TNRC6C: variants seen among roughly 807,000 people sequenced by gnomAD.
TNRC6C encodes the protein trinucleotide repeat-containing gene 6C protein.
A neutral mutation model predicts 153.7 loss-of-function variants in TNRC6C; 20 were observed. That is an observed-to-expected ratio of 0.13 (90% confidence interval 0.09 to 0.19). TNRC6C has a LOEUF of 0.19. Ranked by LOEUF, TNRC6C falls within the 10% of genes least tolerant of loss-of-function variation. The probability of loss-of-function intolerance (pLI) is 1.00; values close to 1 mark genes in which losing one functional copy is unlikely to be tolerated. For synonymous variants in TNRC6C, 811 were observed against 841.4 expected (o/e 0.96, Z 0.63); for missense variants, 1,987 against 2,172.0 (o/e 0.91, Z 1.69).
At chr17:77,979,608 T>C (rs879068705) in intron 1 of TNRC6C, among the ~76,000 whole-genome samples, 1 of 152,010 alleles carries the variant, frequency 6.6e-6, no homozygotes, top group African/African-American at 2.4e-5. Context: ...GTTAAAAGTC[T>C]AAAATACTTA....
exon 2 of TNRC6C, chr17:78,031,634 G>A: frequency 1.6e-6 from 2 of 1,232,406 alleles, no homozygotes; most frequent in Non-Finnish European, 2.0e-6. Flanking sequence ...CCAGTGGCCA[G>A]CAGCCAGCTG....
intron 1 of TNRC6C, among the ~76,000 whole-genome samples, chr17:78,025,970 TC>T (rs1251447954): frequency 6.6e-6 from 1 of 152,180 alleles, no homozygotes; most frequent in Non-Finnish European, 1.5e-5. Flanking sequence ...TGTCAGCTAG[TC>T]TAAACCTTTC....
At position 78,104,905 on chromosome 17, in the gene TNRC6C, G is replaced by A. The variant is rs1217673381; in HGVS notation, c.*60G>A. 11 of 1,373,294 alleles carry A rather than the reference G, an allele frequency of 8.0e-6. No individual in the cohort carries two copies. Among genetic ancestry groups the A allele is most frequent in the East Asian group, 2.9e-5 (1 of 33,966 alleles). The allele number at this position is 1,373,294 out of a possible 1,614,324, so 85.1% of individuals were successfully genotyped here. ...CTCCCGGGACCCCTCCCGGCTGGGC[G>A]GCCCCACAGACCCGCTGGAACCCAG... On this transcript the variant is annotated 3_prime_UTR_variant, in exon 20 of 20. Transcript: ENST00000301624. The surrounding 1 kb of genome is among the most constrained non-coding windows in gnomAD (Gnocchi z 6.2).
intron 1 of TNRC6C, among the ~76,000 whole-genome samples, chr17:77,996,958 TCA>T (rs2143116684): frequency 1.3e-5 from 2 of 152,218 alleles, no homozygotes; most frequent in South Asian, 4.1e-4. Context: ...CAACCTTATT[TCA>T]CAGAGACAGC....
chr17:78,000,631 C>CCCCCCCCCCCCCCCA, upstream of TNRC6C, among the ~76,000 whole-genome samples: 1 of 56,350 alleles, frequency 1.8e-5, no homozygotes, highest in East Asian at 6.5e-4. Flanking sequence ...CCCCCCCCCC[C>CCCCCCCCCCCCCCCA]ACACACACAC....
At chr17:78,064,258 G>A (rs1364048646) in intron 3 of TNRC6C, among the ~76,000 whole-genome samples, 1 of 152,088 alleles carries the variant, frequency 6.6e-6, no homozygotes, top group African/African-American at 2.4e-5. Flanking sequence ...ACCATACCCA[G>A]CTAAATTTTT....
intron 1 of TNRC6C, among the ~76,000 whole-genome samples, chr17:77,973,247 A>C (rs1476921448): frequency 6.6e-6 from 1 of 151,840 alleles, no homozygotes; most frequent in Non-Finnish European, 1.5e-5. Flanking sequence ...CCACATGATC[A>C]TCTCAATAAA....
intron 3 of TNRC6C, among the ~76,000 whole-genome samples, chr17:78,054,943 T>C (rs1303317852): frequency 6.6e-6 from 1 of 152,074 alleles, no homozygotes; most frequent in Non-Finnish European, 1.5e-5. Context: ...TGCGGACTAC[T>C]GTACGCTACC....
chr17:78,098,474 A>T (rs1391288404), exon 17 of TNRC6C: 1 of 1,613,800 alleles, frequency 6.2e-7, no homozygotes, highest in African/African-American at 1.3e-5. Flanking sequence ...AGGGTTAACC[A>T]ATCCCAAGCC....
At chr17:77,985,601 C>CAAAAAAAA (rs1229331703) in intron 1 of TNRC6C, among the ~76,000 whole-genome samples, 10 of 96,262 alleles carry the variant, frequency 1.0e-4, no homozygotes, top group African/African-American at 3.8e-4. Flanking sequence ...GACTCCGTCT[C>CAAAAAAAA]AAAAAAAAAA....
intron 1 of TNRC6C, among the ~76,000 whole-genome samples, chr17:78,022,398 C>T (rs1472767680): frequency 1.3e-5 from 2 of 152,238 alleles, no homozygotes; most frequent in African/African-American, 4.8e-5. Flanking sequence ...TAACATTCAT[C>T]TATGATTTGC....
chr17:78,031,819 A>G (rs2072080882), exon 2 of TNRC6C: 2 of 1,232,146 alleles, frequency 1.6e-6, no homozygotes, highest in Admixed American at 4.2e-5. Flanking sequence ...GGAACACAGC[A>G]TCATCCCAGT....
chr17:78,107,513 C>T (rs1425020627), exon 20 of TNRC6C: 2 of 152,222 alleles, frequency 1.3e-5, no homozygotes, highest in African/African-American at 4.8e-5. Flanking sequence ...CTACTTTGCA[C>T]GCTGCGATTG....
chr17:77,987,616 T>C (rs2071188262), intron 1 of TNRC6C, among the ~76,000 whole-genome samples: 1 of 152,190 alleles, frequency 6.6e-6, no homozygotes, highest in Admixed American at 6.5e-5. Context: ...AAGTAAATTA[T>C]GGTCCATCAA....
intron 10 of TNRC6C, among the ~76,000 whole-genome samples, chr17:78,082,818 C>T (rs1159080902): frequency 6.6e-6 from 1 of 152,228 alleles, no homozygotes; most frequent in Non-Finnish European, 1.5e-5. Flanking sequence ...ACATCACGCG[C>T]TGTTGGCTCA....
At chr17:78,083,494 G>A (rs1303373367) in intron 11 of TNRC6C, among the ~76,000 whole-genome samples, 4 of 152,224 alleles carry the variant, frequency 2.6e-5, no homozygotes, top group Non-Finnish European at 5.9e-5. Flanking sequence ...GTGCACCACT[G>A]CACATGGCTT....
intron 11 of TNRC6C, among the ~76,000 whole-genome samples, 156 bp from the exon 14 acceptor site, chr17:78,086,347 A>C (rs1201033967): frequency 1.4e-5 from 2 of 138,116 alleles, no homozygotes; most frequent in Admixed American, 7.4e-5. Flanking sequence ...AAAAAAAAAA[A>C]AAAAAAAAAA....
At chr17:77,979,062 G>A (rs1157932303) in intron 1 of TNRC6C, among the ~76,000 whole-genome samples, 1 of 152,126 alleles carries the variant, frequency 6.6e-6, no homozygotes, top group Non-Finnish European at 1.5e-5. Flanking sequence ...AGGAGATCTA[G>A]ATATTAGGGT....
chr17:78,080,225 T>G (rs532517584), intron 10 of TNRC6C, among the ~76,000 whole-genome samples: 29 of 152,270 alleles, frequency 1.9e-4, no homozygotes, highest in Admixed American at 1.8e-3. Flanking sequence ...GGTGGGTGGA[T>G]CACCTGAGGT....
Sources: gnomAD v4.1 joint callset for allele counts (sites outside exome capture counted in the v4.1 genomes callset) on GRCh38, gnomAD v4.1.1 for gene constraint, Gnocchi (gnomAD v3.1) non-coding constraint, MANE v1.5 for transcripts, NCBI Gene and HGNC (gene_info 2026-07-23, HGNC 2026-07-21) for gene names.